PAIP2B: variants seen among roughly 807,000 people sequenced by gnomAD.
PAIP2B encodes polyadenylate-binding protein-interacting protein 2B.
A neutral mutation model predicts 17.0 loss-of-function variants in PAIP2B; 13 were observed. The observed-to-expected ratio is 0.76, with a 90% confidence interval of 0.50 to 1.22. The LOEUF is 1.22. Ranked by LOEUF, PAIP2B falls within the 50% of genes most tolerant of loss-of-function variation. The pLI, the probability that PAIP2B is intolerant of heterozygous loss-of-function variation, is 0.00. For missense variants in PAIP2B, 117 were observed against 144.5 expected (o/e 0.81, Z 0.98); for synonymous variants, 43 against 48.7 (o/e 0.88, Z 0.48).
chr2:71,195,020 T>G (rs13339798), intron 2 of PAIP2B, among the ~76,000 whole-genome samples: 308 of 152,344 alleles, frequency 2.0e-3, no homozygotes, highest in African/African-American at 7.0e-3. Flanking sequence ...GTTTACATGA[T>G]GAATCACATT....
intron 1 of PAIP2B, among the ~76,000 whole-genome samples, chr2:71,219,869 A>T (rs1050297600): frequency 2.0e-5 from 3 of 152,224 alleles, no homozygotes; most frequent in African/African-American, 7.2e-5. Flanking sequence ...AAACACACGT[A>T]TATTCTTACT....
chr2:71,211,885 A>G (rs111853324), intron 1 of PAIP2B, among the ~76,000 whole-genome samples: 59 of 152,260 alleles, frequency 3.9e-4, no homozygotes, highest in African/African-American at 1.4e-3. Flanking sequence ...AGACTTGCCA[A>G]AAGTCAGTGG....
intron 3 of PAIP2B, 59 bp from the exon 4 acceptor site, chr2:71,188,594 C>CA (rs1674604142): frequency 7.1e-7 from 1 of 1,412,614 alleles, no homozygotes; most frequent in East Asian, 2.4e-5. Context: ...AAAACTTACC[C>CA]AGTCCATCAT....
chr2:71,202,025 A>C (rs183075629), intron 2 of PAIP2B, among the ~76,000 whole-genome samples: 1 of 152,364 alleles, frequency 6.6e-6, no homozygotes, highest in African/African-American at 2.4e-5. Context: ...TTGCTGAGAG[A>C]AATGTCATAA....
chr2:71,189,206 G>A (rs1417042375), intron 3 of PAIP2B, among the ~76,000 whole-genome samples: 2 of 151,838 alleles, frequency 1.3e-5, no homozygotes, highest in Admixed American at 6.6e-5. Context: ...GTAGATATGG[G>A]GTTTCCATGT....
intron 1 of PAIP2B, among the ~76,000 whole-genome samples, chr2:71,212,177 C>A (rs1038653719): frequency 1.3e-5 from 2 of 152,186 alleles, no homozygotes; most frequent in African/African-American, 2.4e-5. Context: ...GATGTGATGA[C>A]AATTTGTTTT....
intron 1 of PAIP2B, among the ~76,000 whole-genome samples, chr2:71,219,663 G>A (rs1044015028): frequency 1.3e-5 from 2 of 151,892 alleles, no homozygotes; most frequent in East Asian, 3.9e-4. Flanking sequence ...TTCTTATCTC[G>A]TTCTCATAAT....
chr2:71,200,349 C>T (rs868105702), intron 2 of PAIP2B, among the ~76,000 whole-genome samples: 11 of 152,322 alleles, frequency 7.2e-5, no homozygotes, highest in Middle Eastern at 3.4e-3. Flanking sequence ...AAAGAACTGA[C>T]ATCAATCATA....
chr2:71,214,107 C>T (rs1558781557), intron 1 of PAIP2B, among the ~76,000 whole-genome samples: 1 of 152,164 alleles, frequency 6.6e-6, no homozygotes, highest in Non-Finnish European at 1.5e-5. Context: ...TCTCAAGTGG[C>T]TAGGATTACA....
chr2:71,213,292 C>T (rs1484984931), intron 1 of PAIP2B, among the ~76,000 whole-genome samples: 1 of 152,028 alleles, frequency 6.6e-6, no homozygotes, highest in Non-Finnish European at 1.5e-5. Context: ...TAAAGGTTTG[C>T]CACAACAAAG....
rs1017066962 is a variant in PAIP2B, at chr2:71,204,786, G to A, written c.-11-2186C>T. Among the ~76,000 whole-genome samples the A allele has an allele frequency of 2.0e-5, 3 of 152,072 alleles. No homozygotes were observed. In the East Asian group the frequency reaches 5.8e-4, roughly 29 times the overall value. ...GAAGCAAGTCTGTTCTAAATGCCAGGGCAACTGTATTTGCCCTGTAAGTAA... is the reference window on the plus strand; with the variant it reads ...GAAGCAAGTCTGTTCTAAATGCCAGAGCAACTGTATTTGCCCTGTAAGTAA... On this transcript the variant is annotated intron_variant, in intron 1 of 3. Transcript: ENST00000244221.
chr2:71,189,430 G>A (rs1424422553), intron 3 of PAIP2B, among the ~76,000 whole-genome samples: 2 of 152,218 alleles, frequency 1.3e-5, no homozygotes, highest in African/African-American at 4.8e-5. Flanking sequence ...AAAATGAACA[G>A]CTAATTTTTA....
intron 1 of PAIP2B, among the ~76,000 whole-genome samples, chr2:71,214,218 A>G (rs769322796): frequency 6.6e-6 from 1 of 152,202 alleles, no homozygotes; most frequent in East Asian, 1.9e-4. Context: ...CCCAAAGCCC[A>G]TGCTCTTAAC....
At chr2:71,196,781 C>CT (rs1037009525) in intron 2 of PAIP2B, among the ~76,000 whole-genome samples, 24 of 152,174 alleles carry the variant, frequency 1.6e-4, no homozygotes, top group African/African-American at 5.5e-4. Flanking sequence ...CTTCCCTTGT[C>CT]TTTTTTTATC....
At chr2:71,226,002 T>G (rs906730070) in intron 1 of PAIP2B, among the ~76,000 whole-genome samples, 1 of 152,190 alleles carries the variant, frequency 6.6e-6, no homozygotes, top group African/African-American at 2.4e-5. Context: ...AGTTAAGCTG[T>G]TTAAAGTATA....
intron 1 of PAIP2B, among the ~76,000 whole-genome samples, chr2:71,208,432 A>ACCC (rs1675196988): frequency 2.0e-5 from 3 of 148,112 alleles, no homozygotes; most frequent in East Asian, 5.1e-4. Context: ...CACCCCCCCA[A>ACCC]AAAAAAAAGT....
intron 1 of PAIP2B, among the ~76,000 whole-genome samples, chr2:71,226,675 G>GC (rs568253580): frequency 8.5e-5 from 13 of 152,118 alleles, no homozygotes; most frequent in Non-Finnish European, 1.6e-4. Flanking sequence ...GAGCACCTGT[G>GC]CGGGGGGGAA....
intron 1 of PAIP2B, among the ~76,000 whole-genome samples, chr2:71,222,627 C>A (rs1675615947): frequency 6.6e-6 from 1 of 152,176 alleles, no homozygotes; most frequent in African/African-American, 2.4e-5. Context: ...TTACATTCAG[C>A]CCTCATCACC....
intron 3 of PAIP2B, among the ~76,000 whole-genome samples, chr2:71,188,823 T>G (rs1207467385): frequency 6.6e-6 from 1 of 152,122 alleles, no homozygotes; most frequent in Non-Finnish European, 1.5e-5. Flanking sequence ...ACTGAGTACC[T>G]TAACTTGGTG....
Sources: allele counts gnomAD v4.1 joint callset (sites outside exome capture counted in the v4.1 genomes callset), GRCh38; gene constraint gnomAD v4.1.1; transcripts MANE v1.5; gene names NCBI Gene and HGNC (gene_info 2026-07-23, HGNC 2026-07-21).